Variants in CHSY3 observed in about 807,000 individuals in gnomAD.
The protein encoded by CHSY3 is chondroitin sulfate synthase 3, also known as N-acetylgalactosaminyl-proteoglycan 3-beta-glucuronosyltransferase 3.
A neutral mutation model predicts 67.2 loss-of-function variants in CHSY3; 35 were observed. The ratio of observed to expected loss-of-function variants is 0.52; its 90% confidence interval spans 0.40 to 0.69. The LOEUF is 0.69. Ranked by LOEUF, CHSY3 falls within the 30% of genes least tolerant of loss-of-function variation. The pLI, the probability that CHSY3 is intolerant of heterozygous loss-of-function variation, is 0.00. For missense variants in CHSY3, 1,069 were observed against 1,138.5 expected (o/e 0.94, Z 0.88); for synonymous variants, 474 against 434.7 (o/e 1.09, Z -1.12).
intron 2 of CHSY3, among the ~76,000 whole-genome samples, chr5:130,125,454 G>GATAGATAGATAGATAT (rs1278865041): frequency 2.6e-5 from 4 of 150,994 alleles, no homozygotes; most frequent in African/African-American, 9.8e-5. Context: ...TAGATAGATA[G>GATAGATAGATAGATAT]ACAGACAGAC....
At chr5:130,102,891 G>A (rs1767293499) in intron 2 of CHSY3, among the ~76,000 whole-genome samples, 1 of 151,852 alleles carries the variant, frequency 6.6e-6, no homozygotes, top group Non-Finnish European at 1.5e-5. Context: ...TGTTCTCTAA[G>A]GAAAGACCAT....
At chr5:130,029,456 T>C (rs753596757) in intron 2 of CHSY3, among the ~76,000 whole-genome samples, 7 of 152,068 alleles carry the variant, frequency 4.6e-5, no homozygotes, top group Non-Finnish European at 7.4e-5. Context: ...GAATATAGAC[T>C]GTCTGCCCCA....
intron 2 of CHSY3, among the ~76,000 whole-genome samples, chr5:130,069,425 G>A (rs1480370647): frequency 1.3e-5 from 2 of 151,898 alleles, no homozygotes; most frequent in Non-Finnish European, 2.9e-5. Flanking sequence ...ATGAGGTGGA[G>A]GATCACTTGA....
At chr5:130,090,296 T>C (rs1241229184) in intron 2 of CHSY3, among the ~76,000 whole-genome samples, 2 of 152,252 alleles carry the variant, frequency 1.3e-5, no homozygotes, top group African/African-American at 4.8e-5. Context: ...AATTGCAGAT[T>C]ATTTCCTTGT....
At chr5:130,049,720 G>C (rs184564492) in intron 2 of CHSY3, among the ~76,000 whole-genome samples, 15 of 150,974 alleles carry the variant, frequency 9.9e-5, no homozygotes, top group Admixed American at 6.6e-4. Flanking sequence ...GGGTAGTTTT[G>C]TTCCACAGTC....
rs185249732 is a variant in CHSY3, at chr5:129,924,670, A to C, written c.1086+16310A>C. On this transcript the variant is annotated intron_variant, in intron 2 of 2. Transcript: ENST00000305031. ...AAAAAAAAAAAAAAAAATAGAATTA[A>C]CTTTCTGTAGTTATTCTTATGCCAG... 3.7e-3 allele frequency among the ~76,000 whole-genome samples: 562 copies of C among 151,614 alleles called. 2 individuals carry two copies. The highest frequency in any genetic ancestry group is 4.9e-3 in the Non-Finnish European group (333 of 67,858).
intron 2 of CHSY3, among the ~76,000 whole-genome samples, chr5:129,960,976 A>T (rs190264441): frequency 2.6e-5 from 4 of 152,222 alleles, no homozygotes; most frequent in African/African-American, 9.6e-5. Context: ...AAACCAGTAG[A>T]CAATTTCCGC....
At chr5:130,097,022 G>A (rs1045540579) in intron 2 of CHSY3, among the ~76,000 whole-genome samples, 1 of 152,226 alleles carries the variant, frequency 6.6e-6, no homozygotes, top group African/African-American at 2.4e-5. Flanking sequence ...TGTCTAATTT[G>A]TTTTTTGCTC....
chr5:130,044,623 T>A (rs1001716493), intron 2 of CHSY3, among the ~76,000 whole-genome samples: 6 of 152,124 alleles, frequency 3.9e-5, no homozygotes, highest in Admixed American at 2.6e-4. Flanking sequence ...GTAGAATTTT[T>A]AAATGTATTT....
chr5:130,013,933 C>T (rs1217397824), intron 2 of CHSY3, among the ~76,000 whole-genome samples: 1 of 152,288 alleles, frequency 6.6e-6, no homozygotes, highest in East Asian at 1.9e-4. Context: ...TCTGCTTCCT[C>T]TTGAATGCTT....
chr5:130,048,589 AT>A (rs1404853340), intron 2 of CHSY3, among the ~76,000 whole-genome samples: 29 of 152,180 alleles, frequency 1.9e-4, no homozygotes, highest in African/African-American at 6.7e-4. Flanking sequence ...GTGCTCGTGT[AT>A]TCAGTTAGGG....
chr5:130,042,630 T>G (rs1038424785), intron 2 of CHSY3, among the ~76,000 whole-genome samples: 2 of 152,164 alleles, frequency 1.3e-5, no homozygotes, highest in Admixed American at 6.5e-5. Context: ...TTTTATTTTT[T>G]AACCATGGTG....
At position 129,906,127 on chromosome 5, in the gene CHSY3, C is replaced by T. The variant is rs150036310; in HGVS notation, c.802+496C>T. 5.3e-5 allele frequency among the ~76,000 whole-genome samples: 8 copies of T among 152,242 alleles called. No homozygotes were observed. In the East Asian group the frequency reaches 1.5e-3, roughly 29 times the overall value. ...GCTCTTTTGTTTAAACTGGATCTAG[C>T]GCACTTTTGGAACTGCTCAGATTGA... On this transcript the variant is annotated intron_variant, in intron 1 of 2. Transcript: ENST00000305031.
intron 2 of CHSY3, among the ~76,000 whole-genome samples, chr5:130,165,593 T>G (rs2149730291): frequency 6.6e-6 from 1 of 152,180 alleles, no homozygotes; most frequent in African/African-American, 2.4e-5. Context: ...TTACCTACAT[T>G]CTTTTCCCAT....
At chr5:130,010,503 A>G (rs1398328588) in intron 2 of CHSY3, among the ~76,000 whole-genome samples, 1 of 152,218 alleles carries the variant, frequency 6.6e-6, no homozygotes, top group African/African-American at 2.4e-5. Context: ...GAAAGGTGAT[A>G]GCACTAAGTG....
At chr5:129,983,536 A>AG (rs1311592838) in intron 2 of CHSY3, among the ~76,000 whole-genome samples, 1 of 152,100 alleles carries the variant, frequency 6.6e-6, no homozygotes, top group African/African-American at 2.4e-5. Context: ...CTCTGAAGAA[A>AG]GTGAAGAAAG....
intron 2 of CHSY3, among the ~76,000 whole-genome samples, chr5:130,161,911 G>A (rs987396013): frequency 3.3e-5 from 5 of 151,706 alleles, no homozygotes; most frequent in East Asian, 1.9e-4. Flanking sequence ...GTGGTGGTGT[G>A]CACCTGTAAT....
intron 2 of CHSY3, among the ~76,000 whole-genome samples, chr5:129,941,013 G>A (rs1161741136): frequency 1.3e-5 from 2 of 151,966 alleles, no homozygotes; most frequent in East Asian, 1.9e-4. Flanking sequence ...GAAGCCAGGA[G>A]TTTGAAACCT....
intron 2 of CHSY3, among the ~76,000 whole-genome samples, chr5:129,932,482 T>C (rs1761348644): frequency 6.6e-6 from 1 of 152,156 alleles, no homozygotes. Flanking sequence ...GACTTGTGTT[T>C]GGCCCAAAAA....
Sources: allele counts gnomAD v4.1 joint callset (sites outside exome capture counted in the v4.1 genomes callset), GRCh38; gene constraint gnomAD v4.1.1; transcripts MANE v1.5; gene names NCBI Gene and HGNC (gene_info 2026-07-23, HGNC 2026-07-21).